Variants in INPP5A observed in about 807,000 individuals in gnomAD.
INPP5A encodes the protein inositol polyphosphate-5-phosphatase A.
INPP5A carries 14 observed loss-of-function variants against 65.2 expected under a neutral mutation model. The ratio of observed to expected loss-of-function variants is 0.21; its 90% CI spans 0.14 to 0.34. The LOEUF is 0.34. Among genes scored for constraint, INPP5A ranks in the 10% least tolerant of loss-of-function variants. INPP5A has a pLI of 1.00. For missense variants in INPP5A, 431 were observed against 545.6 expected, an observed-to-expected ratio of 0.79 and a Z score of 2.09; for synonymous variants, 207 against 208.3, an observed-to-expected ratio of 0.99 and a Z score of 0.05.
At chr10:132,746,409 A>G (rs1846372729) in intron 9 of INPP5A, among the ~76,000 whole-genome samples, 1 of 152,156 alleles carries the variant, frequency 6.6e-6, no homozygotes, top group South Asian at 2.1e-4. Flanking sequence ...CCAACGTGAG[A>G]CCAACTGCAC....
In INPP5A at chr10:132,608,141, C is replaced by T. The variant is rs1424101570; in HGVS notation, c.117+185C>T. Among the ~76,000 whole-genome samples, 3 of 152,364 alleles carry T rather than the reference C, an allele frequency of 2.0e-5. No homozygotes were observed. In the East Asian group the frequency reaches 5.8e-4, roughly 29 times the overall value. Reference sequence around the variant, plus strand: ...TTTCTGTGTCACAGTCGGTCCACTGCCCGCCTGCCGGTGAGCCTGGCCAGA... The same window carrying T: ...TTTCTGTGTCACAGTCGGTCCACTGTCCGCCTGCCGGTGAGCCTGGCCAGA... On this transcript the variant is annotated intron_variant, in intron 2 of 15. Transcript: ENST00000368594.
chr10:132,769,374 G>C (rs141473733), intron 12 of INPP5A, among the ~76,000 whole-genome samples: 1 of 152,212 alleles, frequency 6.6e-6, no homozygotes, highest in African/African-American at 2.4e-5. Flanking sequence ...AGGCGGGAAG[G>C]AGGCTGGCCA....
At chr10:132,561,324 T>G (rs1040739306) in intron 1 of INPP5A, among the ~76,000 whole-genome samples, 2 of 152,164 alleles carry the variant, frequency 1.3e-5, no homozygotes, top group African/African-American at 4.8e-5. Context: ...TTTTAGATTT[T>G]TATAGTTTTA....
At position 132,705,274 on chromosome 10, in the gene INPP5A, A is replaced by T. The variant is rs1011814183; in HGVS notation, c.475-3039A>T. 6.6e-6 allele frequency among the ~76,000 whole-genome samples: 1 copy of T among 152,172 alleles called. No homozygotes were observed. The highest frequency in any genetic ancestry group is 1.5e-5 in the Non-Finnish European group (1 of 68,016). ...GAGAGAGGAGGCGGACATGTTTGGAATCAGAGACAAGTGTCTGGTGCAGCA... is the reference window on the plus strand; with the variant it reads ...GAGAGAGGAGGCGGACATGTTTGGATTCAGAGACAAGTGTCTGGTGCAGCA... On this transcript the variant is annotated intron_variant, in intron 6 of 15. Coordinates refer to ENST00000368594, the MANE Select transcript of INPP5A (RefSeq NM_005539.5). The surrounding 1 kb of genome is among the most constrained non-coding windows in gnomAD (Gnocchi z 4.9).
In INPP5A at chr10:132,547,709, C is replaced by A. The variant is rs937648532; in HGVS notation, c.75+9538C>A. 6.6e-6 allele frequency among the ~76,000 whole-genome samples: 1 copy of A among 152,098 alleles called. No individual in the cohort carries two copies. The highest frequency in any genetic ancestry group is 2.4e-5 in the African/African-American group (1 of 41,426). On this transcript the variant is annotated intron_variant, in intron 1 of 15. Coordinates refer to ENST00000368594, the MANE Select transcript of INPP5A (RefSeq NM_005539.5). This position sits in a 1 kb window ranked among gnomAD's most constrained non-coding sequence, Gnocchi z 5.5. Reference sequence around the variant, plus strand: ...TTCAAAGGGTTCCTCCGGGACGCCTCGCCTAGGCAAGCAGGGTTTTCCTCC... The same window carrying A: ...TTCAAAGGGTTCCTCCGGGACGCCTAGCCTAGGCAAGCAGGGTTTTCCTCC...
intron 4 of INPP5A, among the ~76,000 whole-genome samples, chr10:132,654,387 C>G (rs1269762169): frequency 6.6e-6 from 1 of 152,254 alleles, no homozygotes. Context: ...TAGCTCATGC[C>G]AAGCTGGTGC....
chr10:132,739,938 G>A (rs866083432), intron 9 of INPP5A, among the ~76,000 whole-genome samples: 2 of 152,150 alleles, frequency 1.3e-5, no homozygotes, highest in African/African-American at 4.8e-5. Flanking sequence ...CCACCCCAAC[G>A]GGATGCCAGA....
At chr10:132,718,425 C>G (rs1290068750) in intron 8 of INPP5A, among the ~76,000 whole-genome samples, 1 of 148,636 alleles carries the variant, frequency 6.7e-6, no homozygotes, top group Non-Finnish European at 1.5e-5. Flanking sequence ...TTCTGTGGTA[C>G]CTGGGTTCTG....
In INPP5A at chr10:132,663,624, C is replaced by T. The variant is rs913701315; in HGVS notation, c.306+13119C>T. Among the ~76,000 whole-genome samples, 2 of 152,238 alleles carry T rather than the reference C, an allele frequency of 1.3e-5. No homozygotes were observed. The highest frequency in any genetic ancestry group is 2.4e-5 in the African/African-American group (1 of 41,462). Reference sequence around the variant, plus strand: ...TCGACGTTCACCTGTACTTTCTCTGCACTCTGAGCCGGCAGGTGCCACTTC... The same window carrying T: ...TCGACGTTCACCTGTACTTTCTCTGTACTCTGAGCCGGCAGGTGCCACTTC... On this transcript the variant is annotated intron_variant, in intron 4 of 15. Transcript: ENST00000368594. The surrounding 1 kb of genome is among the most constrained non-coding windows in gnomAD (Gnocchi z 4.5).
chr10:132,604,323 G>A (rs116510644), intron 1 of INPP5A, among the ~76,000 whole-genome samples: 311 of 144,680 alleles, frequency 2.1e-3, no homozygotes, highest in African/African-American at 3.1e-3. Context: ...TCTCTGGCGC[G>A]CCCTGTGCCA....
intron 6 of INPP5A, among the ~76,000 whole-genome samples, chr10:132,699,131 G>A (rs375219615): frequency 3.3e-5 from 5 of 152,190 alleles, no homozygotes; most frequent in African/African-American, 7.2e-5. Context: ...CAGTAGTTGC[G>A]TCCCTGGGTC....
At position 132,616,691 on chromosome 10, in the gene INPP5A, GT is replaced by G. The variant is rs1233719885; in HGVS notation, c.117+8736del. ...GTGTGGTGGTGATGGAGGTGGTGTGGTAATGTGGCGTGGAGGATGCAGTGTG... is the reference window on the plus strand; with the variant it reads ...GTGTGGTGGTGATGGAGGTGGTGTGGAATGTGGCGTGGAGGATGCAGTGTG... On this transcript the variant is annotated intron_variant, in intron 2 of 15. Transcript: ENST00000368594. This position sits in a 1 kb window ranked among gnomAD's most constrained non-coding sequence, Gnocchi z 4.9. Among the ~76,000 whole-genome samples, 5 of 151,766 alleles carry G rather than the reference GT, an allele frequency of 3.3e-5. No homozygotes were observed. The highest frequency in any genetic ancestry group is 1.2e-4 in the African/African-American group (5 of 41,272).
Position 132,690,339 on chromosome 10 carries a change from T to C in INPP5A, c.307-53T>C, listed in dbSNP as rs974480554. 9 of 1,132,886 alleles carry C rather than the reference T, an allele frequency of 7.9e-6. No homozygotes were observed. The African/African-American group carries it at 1.4e-4, about 18-fold the overall frequency. The allele number at this position is 1,132,886 out of a possible 1,614,324, so 70.2% of individuals were successfully genotyped here. ...TTCTTTTATTGTTAAAAATGATCTT[T>C]AGAAATATTCCCAGCACCAGTCTCT... On this transcript the variant is annotated intron_variant, in intron 4 of 15. Transcript: ENST00000368594.
chr10:132,663,902 A>C lies in INPP5A; in HGVS notation c.306+13397A>C, dbSNP rs1590906508. Among the ~76,000 whole-genome samples, 1 of 152,340 alleles carries C rather than the reference A, an allele frequency of 6.6e-6. No homozygotes were observed. Among genetic ancestry groups the C allele is most frequent in the East Asian group, 1.9e-4 (1 of 5,184 alleles). On this transcript the variant is annotated intron_variant, in intron 4 of 15. Transcript: ENST00000368594. The surrounding 1 kb of genome is among the most constrained non-coding windows in gnomAD (Gnocchi z 4.5). ...CAGGCTCTGTGGCAAAGGCTGGGCC[A>C]AGGTGCCTCGTGGGCAGCCGATCCA... is the stretch of plus-strand genomic sequence containing the variant.
At chr10:132,648,990 GTTC>G (rs2072535797) in intron 3 of INPP5A, among the ~76,000 whole-genome samples, 1 of 151,862 alleles carries the variant, frequency 6.6e-6, no homozygotes, top group African/African-American at 2.4e-5. Context: ...CTTCTCTTTT[GTTC>G]TTAGGCTCCA....
chr10:132,559,189 C>T lies in INPP5A; in HGVS notation c.75+21018C>T, dbSNP rs995793210. The stretch of plus-strand genomic sequence containing the variant: ...AGGAAGGCTGCCCGCCGCTCGGGGC[C>T]GTCGGTGGCTTCGGAGCTGTGGCAG... On this transcript the variant is annotated intron_variant, in intron 1 of 15. Coordinates refer to ENST00000368594, the MANE Select transcript of INPP5A (RefSeq NM_005539.5). 3.3e-5 allele frequency among the ~76,000 whole-genome samples: 5 copies of T among 152,302 alleles called. No homozygotes were observed. The South Asian group carries it at 6.2e-4, about 19-fold the overall frequency.
chr10:132,738,667 T>C (rs752060594), intron 9 of INPP5A, among the ~76,000 whole-genome samples: 2 of 152,056 alleles, frequency 1.3e-5, no homozygotes, highest in Non-Finnish European at 2.9e-5. Flanking sequence ...CCATGCGCGC[T>C]GTGTCCGAGC....
At chr10:132,583,933 A>C (rs937856495) in intron 1 of INPP5A, among the ~76,000 whole-genome samples, 1 of 152,206 alleles carries the variant, frequency 6.6e-6, no homozygotes, top group African/African-American at 2.4e-5. Flanking sequence ...AATTAAAAAA[A>C]TCAGCCAGTT....
intron 1 of INPP5A, among the ~76,000 whole-genome samples, chr10:132,569,363 G>C (rs914230333): frequency 4.6e-5 from 7 of 151,864 alleles, no homozygotes; most frequent in African/African-American, 1.7e-4. Flanking sequence ...TTTGTTTTTG[G>C]TTTCTTTGAG....
Sources: allele counts gnomAD v4.1 joint callset (sites outside exome capture counted in the v4.1 genomes callset), GRCh38; gene constraint gnomAD v4.1.1; non-coding constraint Gnocchi (gnomAD v3.1); transcripts MANE v1.5; gene names NCBI Gene and HGNC (gene_info 2026-07-23, HGNC 2026-07-21).